The following PRICKLE2 variants were observed in gnomAD, a reference collection of about 807,000 sequenced individuals.
PRICKLE2 encodes the protein prickle-like protein 2.
Under a neutral mutation model 81.4 loss-of-function variants are expected in PRICKLE2, and 21 were observed. The ratio of observed to expected loss-of-function variants is 0.26; its 90% CI spans 0.18 to 0.37. PRICKLE2 has a LOEUF of 0.37. Among genes scored for constraint, PRICKLE2 ranks in the 10% least tolerant of loss-of-function variants. PRICKLE2 has a pLI of 1.00. For missense variants in PRICKLE2, 940 were observed against 1,109.0 expected, an observed-to-expected ratio of 0.85 and a Z score of 2.16; for synonymous variants, 456 against 421.5, an observed-to-expected ratio of 1.08 and a Z score of -1.00.
At chr3:64,125,289 G>A (rs919759514) in intron 7 of PRICKLE2, among the ~76,000 whole-genome samples, 7 of 152,160 alleles carry the variant, frequency 4.6e-5, no homozygotes, top group African/African-American at 1.2e-4. Flanking sequence ...AAGATGCTAC[G>A]AACATTGTTG....
chr3:64,133,069 G>T (rs2077220452), intron 7 of PRICKLE2, among the ~76,000 whole-genome samples: 1 of 152,170 alleles, frequency 6.6e-6, no homozygotes, highest in Non-Finnish European at 1.5e-5. Flanking sequence ...TGGAATAAAA[G>T]ATGTCCTCTG....
chr3:64,248,661 A>C (rs941926629), intron 2 of PRICKLE2, among the ~76,000 whole-genome samples: 1 of 150,678 alleles, frequency 6.6e-6, no homozygotes, highest in East Asian at 1.9e-4. Context: ...CAAAACCAAA[A>C]AAAACAAAAC....
chr3:64,117,538 G>C (rs2076955082), intron 7 of PRICKLE2, among the ~76,000 whole-genome samples: 1 of 152,078 alleles, frequency 6.6e-6, no homozygotes, highest in African/African-American at 2.4e-5. Context: ...AAAATCACTA[G>C]CATTCCTATA....
At chr3:64,134,536 T>C (rs1166006124) in intron 7 of PRICKLE2, among the ~76,000 whole-genome samples, 1 of 152,018 alleles carries the variant, frequency 6.6e-6, no homozygotes, top group Non-Finnish European at 1.5e-5. Flanking sequence ...CTGTAGGAGG[T>C]TTAGCGGCAC....
intron 2 of PRICKLE2, among the ~76,000 whole-genome samples, chr3:64,256,943 A>T (rs1253211723): frequency 6.6e-6 from 1 of 152,210 alleles, no homozygotes; most frequent in African/African-American, 2.4e-5. Context: ...AATTTCATTT[A>T]AATTTTTCTG....
At chr3:64,226,053 C>G (rs927307885), upstream of PRICKLE2, among the ~76,000 whole-genome samples, 2 of 152,110 alleles carry the variant, frequency 1.3e-5, no homozygotes, top group African/African-American at 2.4e-5. Context: ...CCTTTAACCC[C>G]TTACCCCAAT....
chr3:64,213,917 AC>A (rs1317921212), intron 1 of PRICKLE2, among the ~76,000 whole-genome samples: 6 of 152,312 alleles, frequency 3.9e-5, no homozygotes, highest in African/African-American at 1.4e-4. Flanking sequence ...GACTGGCTGC[AC>A]TGGTCCCTTA....
rs192215200 is a variant in PRICKLE2 at position 64,161,253 on chromosome 3, C to T, written c.259-1176G>A. ...ATATGTGGTTTCGTTTCATTTACTG[C>T]CATGTCCACATAACACTCAGAGTCA... is the stretch of plus-strand genomic sequence containing the variant. On this transcript the variant is annotated intron_variant, in intron 3 of 7. Transcript: ENST00000638394. 7.9e-5 allele frequency among the ~76,000 whole-genome samples: 12 copies of T among 152,298 alleles called. No individual in the cohort carries two copies. In the East Asian group the frequency reaches 2.3e-3, roughly 29 times the overall value.
chr3:64,157,689 C>T (rs539788451), intron 4 of PRICKLE2, among the ~76,000 whole-genome samples: 2 of 152,158 alleles, frequency 1.3e-5, no homozygotes, highest in East Asian at 3.9e-4. Context: ...AGAGGAAAGC[C>T]TCATTATCTT....
intron 5 of PRICKLE2, among the ~76,000 whole-genome samples, chr3:64,155,744 G>A (rs1461113345): frequency 6.6e-6 from 1 of 152,154 alleles, no homozygotes; most frequent in Non-Finnish European, 1.5e-5. Flanking sequence ...ATTAACATTG[G>A]AAACACGCTA....
intron 2 of PRICKLE2, among the ~76,000 whole-genome samples, chr3:64,164,224 A>G (rs898186351): frequency 6.6e-6 from 1 of 152,160 alleles, no homozygotes; most frequent in African/African-American, 2.4e-5. Context: ...TAAAAGTACA[A>G]AAATTAGCCT....
chr3:64,153,691 T>C, intron 5 of PRICKLE2: 1 of 329,800 alleles, frequency 3.0e-6, no homozygotes, highest in Non-Finnish European at 5.7e-6. Context: ...TGGACATACA[T>C]ATCTGCTTCA....
chr3:64,149,481 C>T (rs1051697732), intron 6 of PRICKLE2, among the ~76,000 whole-genome samples: 6 of 152,212 alleles, frequency 3.9e-5, no homozygotes, highest in African/African-American at 7.2e-5. Context: ...GGCCCCTTCC[C>T]GTGGGGAGAG....
At chr3:64,149,966 C>T (rs1298662382) in intron 6 of PRICKLE2, among the ~76,000 whole-genome samples, 1 of 128,174 alleles carries the variant, frequency 7.8e-6, no homozygotes, top group East Asian at 2.5e-4. Context: ...GAATCAACTC[C>T]ATCTTTTTTT....
Position 64,159,943 on chromosome 3 carries a change from T to C in PRICKLE2, c.393A>G (p.Glu131=), listed in dbSNP as rs776005527. Residue 131 remains glutamate (E), a synonymous_variant, in exon 4 of 8, where the codon GAA becomes GAG. Coordinates refer to ENST00000638394, the MANE Select transcript of PRICKLE2 (RefSeq NM_198859.4). ...ACTCCCCTGAATCCATGCTTACCTG[T>C]TCACAAATAGCTCCTGTCATGGTGA... ...FPVTMTGAIC[E]QCGGQINGGD... 3.5e-5 allele frequency: 57 copies of C among 1,614,150 alleles called. No homozygotes were observed. Among genetic ancestry groups the C allele is most frequent in the Non-Finnish European group, 4.7e-5 (56 of 1,180,026 alleles).
At chr3:64,121,475 C>T (rs187069746) in intron 7 of PRICKLE2, among the ~76,000 whole-genome samples, 6 of 151,718 alleles carry the variant, frequency 4.0e-5, no homozygotes, top group Admixed American at 2.0e-4. Flanking sequence ...AACATATCTG[C>T]TTATAATTTC....
chr3:64,138,500 G>A (rs180870146), intron 7 of PRICKLE2, among the ~76,000 whole-genome samples: 5 of 152,370 alleles, frequency 3.3e-5, no homozygotes, highest in Admixed American at 1.3e-4. Flanking sequence ...GGAAGAGGCT[G>A]CCTGAGACTG....
chr3:64,263,043 C>G (rs568322260), intron 2 of PRICKLE2, among the ~76,000 whole-genome samples: 1 of 152,316 alleles, frequency 6.6e-6, no homozygotes, highest in Non-Finnish European at 1.5e-5. Context: ...TTCTCTACTC[C>G]AGGCCTTCTC....
intron 4 of PRICKLE2, among the ~76,000 whole-genome samples, chr3:64,158,880 T>G (rs1270620975): frequency 6.6e-6 from 1 of 152,222 alleles, no homozygotes. Context: ...TGACATCTGC[T>G]TCCCTTGGGC....
Sources: gnomAD v4.1 joint callset for allele counts (sites outside exome capture counted in the v4.1 genomes callset) on GRCh38, gnomAD v4.1.1 for gene constraint, MANE v1.5 for transcripts, NCBI Gene and HGNC (gene_info 2026-07-23, HGNC 2026-07-21) for gene names.